The following PDE1C variants were observed in gnomAD, a reference collection of about 807,000 sequenced individuals.
PDE1C encodes phosphodiesterase 1C, also known as dual specificity calcium/calmodulin-dependent 3',5'-cyclic nucleotide phosphodiesterase 1C.
A neutral mutation model predicts 93.1 loss-of-function variants in PDE1C; 62 were observed. That is an observed-to-expected ratio of 0.67 (90% confidence interval 0.54 to 0.82). The LOEUF (loss-of-function observed/expected upper bound fraction) is 0.82. Among genes scored for constraint, PDE1C ranks in the 40% least tolerant of loss-of-function variants. PDE1C has a pLI of 0.00. For missense variants in PDE1C, 742 were observed against 884.6 expected (o/e 0.84, Z 2.04); for synonymous variants, 325 against 310.1 (o/e 1.05, Z -0.50).
At chr7:32,400,468 G>T (rs1784920682) in intron 1 of PDE1C, among the ~76,000 whole-genome samples, 1 of 152,164 alleles carries the variant, frequency 6.6e-6, no homozygotes, top group Admixed American at 6.5e-5. Context: ...AATACTGCAG[G>T]CTAGATTTGG....
At chr7:32,314,048 G>C (rs1783114431) in intron 1 of PDE1C, among the ~76,000 whole-genome samples, 1 of 151,514 alleles carries the variant, frequency 6.6e-6, no homozygotes, top group South Asian at 2.1e-4. Flanking sequence ...AAGTAAATGA[G>C]AAATGAAAAA....
the PDE1C span, among the ~76,000 whole-genome samples, chr7:31,710,776 G>A: frequency 6.6e-6 from 1 of 152,210 alleles, no homozygotes; most frequent in Admixed American, 6.5e-5. Context: ...GAAGACGCAT[G>A]AACTGAGAAT....
chr7:32,113,017 T>C (rs75862909), intron 3 of PDE1C, among the ~76,000 whole-genome samples: 1 of 149,454 alleles, frequency 6.7e-6, no homozygotes. Context: ...CCTTTGGCAA[T>C]GAGGTAAGTA....
At chr7:32,058,839 G>A (rs1355293178) in intron 1 of PDE1C, among the ~76,000 whole-genome samples, 2 of 152,058 alleles carry the variant, frequency 1.3e-5, no homozygotes, top group Non-Finnish European at 2.9e-5. Flanking sequence ...AGAATCTCCT[G>A]TCTTACTAGC....
At chr7:31,777,303 A>G (rs945096206) in intron 16 of PDE1C, among the ~76,000 whole-genome samples, 1 of 151,954 alleles carries the variant, frequency 6.6e-6, no homozygotes, top group East Asian at 1.9e-4. Context: ...TGCACTTTGG[A>G]TGACGTTTGA....
chr7:32,208,201 G>A (rs951745527), intron 2 of PDE1C, among the ~76,000 whole-genome samples: 1 of 151,070 alleles, frequency 6.6e-6, no homozygotes, highest in Non-Finnish European at 1.5e-5. Context: ...CAATCCCAAC[G>A]TTTCAAAGCC....
intron 2 of PDE1C, among the ~76,000 whole-genome samples, chr7:31,922,813 T>C (rs763416178): frequency 1.2e-4 from 19 of 152,136 alleles, no homozygotes; most frequent in Non-Finnish European, 2.4e-4. Context: ...AAGATAAAAG[T>C]GTGGAGTCAA....
chr7:32,102,165 T>G (rs546050750), intron 3 of PDE1C, among the ~76,000 whole-genome samples: 1 of 152,234 alleles, frequency 6.6e-6, no homozygotes, highest in East Asian at 1.9e-4. Context: ...CGAAACCCTA[T>G]CAGTATTCTT....
intron 2 of PDE1C, among the ~76,000 whole-genome samples, chr7:32,010,931 G>A (rs756008266): frequency 2.0e-5 from 3 of 152,146 alleles, no homozygotes; most frequent in Non-Finnish European, 2.9e-5. Flanking sequence ...ACATTCTGCA[G>A]AACAAGGGGT....
intron 1 of PDE1C, among the ~76,000 whole-genome samples, chr7:32,069,052 G>T (rs1320415498): frequency 6.6e-6 from 1 of 152,168 alleles, no homozygotes; most frequent in Non-Finnish European, 1.5e-5. Flanking sequence ...TCCACTAGCG[G>T]TGGCTAGACA....
the PDE1C span, among the ~76,000 whole-genome samples, chr7:31,690,347 G>A: frequency 6.6e-6 from 1 of 152,164 alleles, no homozygotes; most frequent in Non-Finnish European, 1.5e-5. Context: ...CCACCCAGTA[G>A]GTATTATTAT....
chr7:31,920,097 C>T (rs900031136), intron 2 of PDE1C, among the ~76,000 whole-genome samples: 2 of 152,142 alleles, frequency 1.3e-5, no homozygotes, highest in Admixed American at 6.5e-5. Flanking sequence ...GGAGATCAAC[C>T]AATCTTCTGG....
chr7:32,370,844 T>C (rs985586001), intron 1 of PDE1C, among the ~76,000 whole-genome samples: 1 of 151,994 alleles, frequency 6.6e-6, no homozygotes, highest in Admixed American at 6.6e-5. Flanking sequence ...AACAGATGAA[T>C]GGATAAAGAA....
At chr7:32,418,389 T>C (rs1345828928) in intron 1 of PDE1C, among the ~76,000 whole-genome samples, 1 of 152,196 alleles carries the variant, frequency 6.6e-6, no homozygotes, top group Non-Finnish European at 1.5e-5. Flanking sequence ...GAGATAACAA[T>C]GGCACTTACC....
intron 12 of PDE1C, 68 bp from the exon 13 acceptor site, chr7:31,825,055 G>C: frequency 6.3e-7 from 1 of 1,591,362 alleles, no homozygotes; most frequent in African/African-American, 1.3e-5. Flanking sequence ...CTTTCCAGAA[G>C]AAACTGATCT....
At chr7:31,629,531 A>G in the PDE1C span, among the ~76,000 whole-genome samples, 3 of 152,180 alleles carry the variant, frequency 2.0e-5, no homozygotes, top group East Asian at 1.9e-4. Context: ...TTTTTCAACA[A>G]TTTTTAAGGT....
chr7:32,218,786 C>G (rs533200424), intron 1 of PDE1C, among the ~76,000 whole-genome samples: 31 of 152,160 alleles, frequency 2.0e-4, no homozygotes, highest in Non-Finnish European at 3.7e-4. Context: ...TTCCTTGCTC[C>G]CTTTCCCTGA....
At chr7:31,672,074 G>T in the PDE1C span, among the ~76,000 whole-genome samples, 1 of 152,100 alleles carries the variant, frequency 6.6e-6, no homozygotes, top group Non-Finnish European at 1.5e-5. Flanking sequence ...CTGTTTTTAT[G>T]ATTTTTGTCT....
chr7:32,306,395 C>A (rs1813004466), intron 1 of PDE1C, among the ~76,000 whole-genome samples: 1 of 152,134 alleles, frequency 6.6e-6, no homozygotes, highest in South Asian at 2.1e-4. Flanking sequence ...AGTCATTACT[C>A]TTCCCTCTGT....
Sources: gnomAD v4.1 joint callset for allele counts (sites outside exome capture counted in the v4.1 genomes callset) on GRCh38, gnomAD v4.1.1 for gene constraint, MANE v1.5 for transcripts, NCBI Gene and HGNC (gene_info 2026-07-23, HGNC 2026-07-21) for gene names.